Variants in RASSF8 observed in about 807,000 individuals in gnomAD.
The protein encoded by RASSF8 is Ras association domain family member 8.
In RASSF8, 22 loss-of-function variants were observed where a neutral mutation model predicts 48.5. That is an observed-to-expected ratio of 0.45 (90% CI 0.32 to 0.65). RASSF8 has a LOEUF of 0.65. Ranked by LOEUF, RASSF8 falls within the 30% of genes least tolerant of loss-of-function variation. The pLI, the probability that RASSF8 is intolerant of heterozygous loss-of-function variation, is 0.03. For missense variants in RASSF8, 418 were observed against 489.2 expected, an observed-to-expected ratio of 0.85 and a Z score of 1.37; for synonymous variants, 127 against 171.5, an observed-to-expected ratio of 0.74 and a Z score of 2.03.
At chr12:26,029,018 G>A (rs900947547) in intron 2 of RASSF8, among the ~76,000 whole-genome samples, 2 of 152,202 alleles carry the variant, frequency 1.3e-5, no homozygotes, top group African/African-American at 4.8e-5. Flanking sequence ...GTTGAAGAAT[G>A]TCCAGGAGTG....
At position 26,069,461 on chromosome 12, in the gene RASSF8, A is replaced by G. The variant is rs770481703; in HGVS notation, c.*643A>G. The G allele has an allele frequency of 2.7e-5, 27 of 985,338 alleles. No individual in the cohort carries two copies. The highest frequency in any genetic ancestry group is 1.1e-4 in the East Asian group (1 of 8,832). The allele number at this position is 985,338 out of a possible 1,614,324, so 61.0% of individuals were successfully genotyped here. The stretch of plus-strand genomic sequence containing the variant: ...TCTGGAATTTAGTCGTTCCTTTACA[A>G]TATTTCCAAATATACGTGTGGCCAC... On this transcript the variant is annotated 3_prime_UTR_variant, in exon 6 of 6. Transcript: ENST00000689635.
At chr12:26,063,603 T>G (rs1943795503) in intron 3 of RASSF8, among the ~76,000 whole-genome samples, 1 of 152,222 alleles carries the variant, frequency 6.6e-6, no homozygotes, top group African/African-American at 2.4e-5. Context: ...TTCTGCCATG[T>G]TGCCCAGGCT....
chr12:26,055,430 C>T lies in RASSF8; in HGVS notation c.87C>T (p.Ala29=). Residue 29 remains alanine (A), a synonymous_variant, in exon 3 of 6, where the codon GCC becomes GCT. Transcript: ENST00000689635. ...CAACTTGCCAGGAGGTTGTCATAGC[C>T]TTAGCTCAAGCAATAGGTGAGTGAA... ...EVTTCQEVVI[A]LAQAIGRTGR... is the part of the protein sequence containing the mutation. 6.2e-7 allele frequency: 1 copy of T among 1,613,826 alleles called. No individual in the cohort carries two copies. The highest frequency in any genetic ancestry group is 8.5e-7 in the Non-Finnish European group (1 of 1,179,736).
intron 2 of RASSF8, among the ~76,000 whole-genome samples, chr12:26,047,057 G>A (rs781049796): frequency 1.3e-5 from 2 of 152,142 alleles, no homozygotes; most frequent in South Asian, 2.1e-4. Flanking sequence ...GAGCTTTAAC[G>A]GGAGTTAAAC....
In RASSF8 at chr12:25,995,049, A is replaced by G. The variant is rs958137447; in HGVS notation, c.-190A>G. 1 of 152,200 alleles carries G rather than the reference A, an allele frequency of 6.6e-6. No individual in the cohort carries two copies. The highest frequency in any genetic ancestry group is 2.4e-5 in the African/African-American group (1 of 41,426). The allele number at this position is 152,200 out of a possible 1,614,324, so 9.4% of individuals were successfully genotyped here. On this transcript the variant is annotated 5_prime_UTR_variant, in exon 2 of 6. Coordinates refer to ENST00000689635, the MANE Select transcript of RASSF8 (RefSeq NM_001394098.1). ...TGTACCTTTGCAGGTGCCTGTGTAG[A>G]TCATCCTAGAATACCTGTGTGGTGC...
At chr12:26,038,102 A>G (rs142312163) in intron 2 of RASSF8, among the ~76,000 whole-genome samples, 2 of 152,292 alleles carry the variant, frequency 1.3e-5, no homozygotes, top group East Asian at 3.9e-4. Context: ...TGGAGTCAAC[A>G]CACAGGTTGC....
rs2137340154 is a variant in RASSF8, at chr12:26,071,173, C to G, written c.*2355C>G. On this transcript the variant is annotated 3_prime_UTR_variant, in exon 6 of 6. Transcript: ENST00000689635. ...GAAGCACATATCTAAGGAATATTTT[C>G]TAAGACTCAGAGGGAAAAAAACTCG... 1 of 976,012 alleles carries G rather than the reference C, an allele frequency of 1.0e-6. No homozygotes were observed. Among genetic ancestry groups the G allele is most frequent in the South Asian group, 4.7e-5 (1 of 21,076 alleles). The allele number at this position is 976,012 out of a possible 1,614,324, so 60.5% of individuals were successfully genotyped here. A position where few individuals can be genotyped will look rare whatever the true frequency, so the allele number is the denominator to read the frequency against.
intron 2 of RASSF8, among the ~76,000 whole-genome samples, chr12:26,010,367 G>A (rs1165264782): frequency 6.6e-6 from 1 of 152,216 alleles, no homozygotes; most frequent in Non-Finnish European, 1.5e-5. Context: ...TTACCAAGAT[G>A]GCACAGAGCC....
intron 2 of RASSF8, among the ~76,000 whole-genome samples, chr12:26,022,273 G>A (rs1942804386): frequency 6.6e-6 from 1 of 152,180 alleles, no homozygotes; most frequent in Non-Finnish European, 1.5e-5. Flanking sequence ...CATGCCCAGT[G>A]CTGACCCTCC....
intron 2 of RASSF8, among the ~76,000 whole-genome samples, chr12:26,045,375 T>C (rs1943350829): frequency 6.6e-6 from 1 of 152,200 alleles, no homozygotes; most frequent in Admixed American, 6.5e-5. Flanking sequence ...TGAAGTCCAA[T>C]AGAAGTTTTG....
chr12:25,969,644 G>C (rs762256705), intron 1 of RASSF8, among the ~76,000 whole-genome samples: 2 of 152,062 alleles, frequency 1.3e-5, no homozygotes, highest in Admixed American at 6.5e-5. Flanking sequence ...ATATTTTGGC[G>C]GGGTGGCTGG....
At chr12:25,966,976 T>C (rs1461164123) in intron 1 of RASSF8, among the ~76,000 whole-genome samples, 2 of 152,266 alleles carry the variant, frequency 1.3e-5, no homozygotes, top group African/African-American at 4.8e-5. Context: ...AAGTTAATTT[T>C]CTGCATATGG....
chr12:26,054,322 T>C (rs981558795), intron 2 of RASSF8, among the ~76,000 whole-genome samples: 2 of 152,184 alleles, frequency 1.3e-5, no homozygotes, highest in Admixed American at 6.6e-5. Flanking sequence ...AATATTTGGT[T>C]TGACTATATG....
intron 2 of RASSF8, among the ~76,000 whole-genome samples, chr12:26,043,035 C>T (rs1374047511): frequency 6.6e-6 from 1 of 152,140 alleles, no homozygotes; most frequent in Non-Finnish European, 1.5e-5. Flanking sequence ...CCGTCCTGTA[C>T]AATTAGTGCC....
intron 2 of RASSF8, among the ~76,000 whole-genome samples, chr12:26,049,089 G>A (rs1943436567): frequency 6.6e-6 from 1 of 152,132 alleles, no homozygotes; most frequent in Admixed American, 6.5e-5. Flanking sequence ...ATGGTGTTCT[G>A]GGCTTAAAAT....
chr12:26,005,681 A>G (rs2137000898), intron 2 of RASSF8, among the ~76,000 whole-genome samples: 1 of 152,318 alleles, frequency 6.6e-6, no homozygotes, highest in South Asian at 2.1e-4. Flanking sequence ...TGAGGAACAT[A>G]TAGTCTCACC....
At chr12:26,017,622 G>T (rs77575871) in intron 2 of RASSF8, among the ~76,000 whole-genome samples, 8,408 of 152,194 alleles carry the variant, frequency 0.055, 343 homozygotes, top group African/African-American at 0.11. Context: ...TACCAAAAAC[G>T]CACCCAAGGT....
At chr12:25,965,468 A>G (rs1466021080) in intron 1 of RASSF8, among the ~76,000 whole-genome samples, 2 of 148,958 alleles carry the variant, frequency 1.3e-5, no homozygotes, top group South Asian at 2.1e-4. Flanking sequence ...AGGTTCAGTC[A>G]ATTCTGCCTC....
In RASSF8 at chr12:26,034,837, T is replaced by TA. The variant is rs369281257; in HGVS notation, c.-108-20390dup. Among the ~76,000 whole-genome samples the TA allele has an allele frequency of 3.8e-3, 580 of 150,844 alleles. 3 individuals carry two copies. The highest frequency in any genetic ancestry group is 0.012 in the African/African-American group (495 of 40,900). On this transcript the variant is annotated intron_variant, in intron 2 of 5. Coordinates refer to ENST00000689635, the MANE Select transcript of RASSF8 (RefSeq NM_001394098.1). ...AAAATTCATGATATTTAAGCTACATTAAAAAAAAACATCTAACTAAAAAAC... is the reference window on the plus strand; with the variant it reads ...AAAATTCATGATATTTAAGCTACATTAAAAAAAAAACATCTAACTAAAAAAC...
Sources: gnomAD v4.1 joint callset for allele counts (sites outside exome capture counted in the v4.1 genomes callset) on GRCh38, gnomAD v4.1.1 for gene constraint, MANE v1.5 for transcripts, NCBI Gene and HGNC (gene_info 2026-07-23, HGNC 2026-07-21) for gene names.